The following ABCC1 variants were observed in gnomAD, a reference collection of about 807,000 sequenced individuals.
The protein encoded by ABCC1 is ATP binding cassette subfamily C member 1 (ABCC1 blood group).
A neutral mutation model predicts 172.9 loss-of-function variants in ABCC1; 83 were observed. The ratio of observed to expected loss-of-function variants is 0.48; its 90% confidence interval spans 0.40 to 0.58. ABCC1 has a LOEUF of 0.58. Ranked by LOEUF, ABCC1 falls within the 20% of genes least tolerant of loss-of-function variation. The pLI, the probability that ABCC1 is intolerant of heterozygous loss-of-function variation, is 0.00. For synonymous variants in ABCC1, 937 were observed against 825.2 expected, an observed-to-expected ratio of 1.14 and a Z score of -2.32; for missense variants, 1,817 against 2,002.7, an observed-to-expected ratio of 0.91 and a Z score of 1.77.
At chr16:16,107,510 G>C (rs565079931) in intron 21 of ABCC1, among the ~76,000 whole-genome samples, 4 of 152,216 alleles carry the variant, frequency 2.6e-5, no homozygotes, top group African/African-American at 9.6e-5. Context: ...GGCTGGTCTT[G>C]AACTCCTGAC....
intron 21 of ABCC1, among the ~76,000 whole-genome samples, chr16:16,108,098 GA>G (rs2052216783): frequency 6.6e-6 from 1 of 152,004 alleles, no homozygotes; most frequent in African/African-American, 2.4e-5. Flanking sequence ...GGAAGCCAGA[GA>G]AGTTACCCCA....
intron 26 of ABCC1, among the ~76,000 whole-genome samples, chr16:16,126,815 C>T (rs934387551): frequency 3.9e-5 from 6 of 152,164 alleles, no homozygotes; most frequent in Admixed American, 2.6e-4. Flanking sequence ...CATATTAAAA[C>T]AACAAGAGAA....
intron 26 of ABCC1, among the ~76,000 whole-genome samples, chr16:16,128,850 G>A (rs935886405): frequency 1.3e-5 from 2 of 152,118 alleles, no homozygotes; most frequent in African/African-American, 4.8e-5. Context: ...ACAAAAATTA[G>A]TTGGCATGGT....
chr16:16,137,731 T>G (rs2045969538), intron 29 of ABCC1, among the ~76,000 whole-genome samples: 1 of 151,892 alleles, frequency 6.6e-6, no homozygotes, highest in Non-Finnish European at 1.5e-5. Flanking sequence ...TTTTGCATTT[T>G]TAGTAGAGAT....
At position 16,086,854 on chromosome 16, in the gene ABCC1, C is replaced by T. The variant is rs771804705; in HGVS notation, c.2323C>T (p.Arg775Cys). The change falls in exon 18 of 31, where the codon CGC becomes TGC. Residue 775 changes from arginine (R) to cysteine (C), a missense_variant. Transcript: ENST00000399410. ...GAACCTGTCTGGGGGCCAGAAGCAG[C>T]GCGTGAGCCTGGCCCGGGCCGTGTA... ...GVNLSGGQKQ[R>C]VSLARAVYSN... 8 of 1,613,946 alleles carry T rather than the reference C, an allele frequency of 5.0e-6. No homozygotes were observed. In the Admixed American group the frequency reaches 8.3e-5, roughly 17 times the overall value.
chr16:15,965,871 G>C (rs754716922), intron 1 of ABCC1, among the ~76,000 whole-genome samples: 2 of 152,138 alleles, frequency 1.3e-5, no homozygotes, highest in African/African-American at 4.8e-5. Flanking sequence ...ACAGGCGAGA[G>C]CCACCATACC....
At chr16:15,958,266 C>G (rs886193390) in intron 1 of ABCC1, among the ~76,000 whole-genome samples, 3 of 152,042 alleles carry the variant, frequency 2.0e-5, no homozygotes, top group Admixed American at 6.6e-5. Context: ...CCACCACACT[C>G]GGCTTATTTT....
intron 28 of ABCC1, among the ~76,000 whole-genome samples, chr16:16,136,225 T>C (rs1171607468): frequency 6.6e-6 from 1 of 152,124 alleles, no homozygotes; most frequent in Admixed American, 6.6e-5. Flanking sequence ...GGTGTTGCCA[T>C]GTTGGCCAGG....
At chr16:16,118,560 G>A (rs1330351417) in intron 23 of ABCC1, among the ~76,000 whole-genome samples, 2 of 151,164 alleles carry the variant, frequency 1.3e-5, no homozygotes, top group Non-Finnish European at 2.9e-5. Context: ...TTAAATGTCT[G>A]CCAATAGCAG....
At chr16:16,093,086 C>T (rs1292240139) in intron 19 of ABCC1, among the ~76,000 whole-genome samples, 1 of 152,114 alleles carries the variant, frequency 6.6e-6, no homozygotes. Context: ...TCTGCATGTT[C>T]ATTCCCTTGT....
chr16:15,968,959 G>A (rs980715377), intron 1 of ABCC1, among the ~76,000 whole-genome samples: 3 of 151,658 alleles, frequency 2.0e-5, no homozygotes, highest in African/African-American at 7.3e-5. Flanking sequence ...TGTAATCTCA[G>A]TACGTTGAGA....
chr16:16,052,905 C>T lies in ABCC1; in HGVS notation c.1473+89C>T. ...TTTAGTCCAGTTCCTTCTGCTCTGT[C>T]CCTGGGGTTCTCAGCCTTGCCTGCC... On this transcript the variant is annotated intron_variant, in intron 11 of 30. Transcript: ENST00000399410. The T allele has an allele frequency of 2.3e-6, 3 of 1,293,978 alleles. 1 individual carries two copies. In the South Asian group the frequency reaches 3.8e-5, roughly 16 times the overall value. The allele number at this position is 1,293,978 out of a possible 1,614,324, so 80.2% of individuals were successfully genotyped here.
intron 5 of ABCC1, among the ~76,000 whole-genome samples, chr16:16,032,160 T>A (rs756714952): frequency 2.0e-4 from 31 of 152,152 alleles, no homozygotes; most frequent in Non-Finnish European, 4.0e-4. Flanking sequence ...CCAGCTAATT[T>A]TTGTATTTTT....
chr16:15,982,061 A>G (rs934694492), intron 1 of ABCC1, among the ~76,000 whole-genome samples: 3 of 152,178 alleles, frequency 2.0e-5, no homozygotes, highest in African/African-American at 7.2e-5. Context: ...CCTGGACTTC[A>G]TTGTCCATAT....
intron 26 of ABCC1, 23 bp from the exon 27 acceptor site, chr16:16,131,766 C>G (rs777079359): frequency 1.4e-5 from 22 of 1,608,628 alleles, no homozygotes; most frequent in Admixed American, 8.4e-5. Flanking sequence ...ATTCCTTACT[C>G]TCTCCCTTCA....
chr16:16,007,214 T>TTGTGTGTGTGTGTGTGTGTGTGTG (rs71388788), intron 1 of ABCC1, among the ~76,000 whole-genome samples: 6 of 145,868 alleles, frequency 4.1e-5, no homozygotes, highest in African/African-American at 1.5e-4. Flanking sequence ...GTATGCACTG[T>TTGTGTGTGTGTGTGTGTGTGTGTG]TGTGTGTGTG....
chr16:16,139,049 G>A (rs974068520), intron 30 of ABCC1, among the ~76,000 whole-genome samples: 1 of 152,176 alleles, frequency 6.6e-6, no homozygotes. Context: ...ATTCATTCAC[G>A]TCAGCGCACC....
rs932575284 is a variant in ABCC1, at chr16:16,131,869, G to A, written c.3900G>A (p.Leu1300=). 1.9e-6 allele frequency: 3 copies of A among 1,614,056 alleles called. No individual in the cohort carries two copies. The highest frequency in any genetic ancestry group is 1.6e-4 in the Middle Eastern group (1 of 6,084). Residue 1300 remains leucine, a synonymous_variant, in exon 27 of 31, where the codon CTG becomes CTA. Coordinates refer to ENST00000399410, the MANE Select transcript of ABCC1 (RefSeq NM_004996.4). ...VGRVEFRNYC[L]RYREDLDFVL... ...GAGTGGAATTCCGGAACTACTGCCT[G>A]CGCTACCGAGAGGACCTGGACTTCG...
At position 16,071,788 on chromosome 16, in the gene ABCC1, T is replaced by C. The variant is rs995087112; in HGVS notation, c.1912+59T>C. On this transcript the variant is annotated intron_variant, in intron 14 of 30. Transcript: ENST00000399410. ...GGCCGCCTTCCCATCTCCCACTGGGTCCTCCCTACTTGCATTTCTTTCCCT... is the reference window on the plus strand; with the variant it reads ...GGCCGCCTTCCCATCTCCCACTGGGCCCTCCCTACTTGCATTTCTTTCCCT... 13 of 1,444,836 alleles carry C rather than the reference T, an allele frequency of 9.0e-6. No individual in the cohort carries two copies. In the African/African-American group the frequency reaches 1.7e-4, roughly 19 times the overall value. 89.5% of individuals were successfully genotyped at this position (1,444,836 alleles called of 1,614,324 possible).
Sources: allele counts gnomAD v4.1 joint callset (sites outside exome capture counted in the v4.1 genomes callset), GRCh38; gene constraint gnomAD v4.1.1; transcripts MANE v1.5; gene names NCBI Gene and HGNC (gene_info 2026-07-23, HGNC 2026-07-21).